The following TNFRSF10B variants were observed in gnomAD, a reference collection of about 807,000 sequenced individuals.
The protein encoded by TNFRSF10B is tumor necrosis factor receptor superfamily member 10B.
A neutral mutation model predicts 41.4 loss-of-function variants in TNFRSF10B; 35 were observed. That is an observed-to-expected ratio of 0.85 (90% confidence interval 0.65 to 1.12). The LOEUF (loss-of-function observed/expected upper bound fraction) is 1.12. TNFRSF10B is among the 50% of genes most tolerant of loss of function. TNFRSF10B has a pLI of 0.00. For missense variants in TNFRSF10B, 584 were observed against 552.7 expected (o/e 1.06, Z -0.57); for synonymous variants, 230 against 215.5 (o/e 1.07, Z -0.59).
chr8:23,022,409 C>G lies in TNFRSF10B; in HGVS notation c.*262G>C. On this transcript the variant is annotated 3_prime_UTR_variant, in exon 9 of 9. Transcript: ENST00000276431. ...CTGTGAAAACAATGACATCCCAAAC[C>G]AAATCTCAAAGTACGCACAAACGGA... 1.6e-6 allele frequency: 1 copy of G among 611,330 alleles called. No individual in the cohort carries two copies. The highest frequency in any genetic ancestry group is 3.0e-6 in the Non-Finnish European group (1 of 329,342). 37.9% of individuals were successfully genotyped at this position (611,330 alleles called of 1,614,324 possible).
At chr8:23,029,459 G>A in intron 4 of TNFRSF10B, 151 bp downstream of exon 4, 1 of 739,678 alleles carries the variant, frequency 1.4e-6, no homozygotes, top group African/African-American at 1.7e-5. Context: ...GCAGGGGGCA[G>A]GGGTGGTGAC....
At chr8:23,042,094 ATCCACAC>A (rs1452648708) in intron 2 of TNFRSF10B, among the ~76,000 whole-genome samples, 10 of 152,162 alleles carry the variant, frequency 6.6e-5, no homozygotes, top group African/African-American at 2.2e-4. Context: ...CACGTCATCC[ATCCACAC>A]CCCAAATATG....
intron 2 of TNFRSF10B, among the ~76,000 whole-genome samples, chr8:23,036,023 CCCACTCTAGGTCAA>C (rs1812021591): frequency 6.6e-6 from 1 of 152,162 alleles, no homozygotes; most frequent in Non-Finnish European, 1.5e-5. Flanking sequence ...CCTTTAGTAG[CCCACTCTAGGTCAA>C]CCACAGCACA....
Position 23,022,866 on chromosome 8 carries a change from C to T in TNFRSF10B, c.1128G>A (p.Ala376=), listed in dbSNP as rs747617406. The T allele has an allele frequency of 1.4e-5, 23 of 1,613,962 alleles. No homozygotes were observed. The highest frequency in any genetic ancestry group is 1.6e-4 in the Middle Eastern group (1 of 6,084). ...TCGTGTACAAGGTGTCCCTGTGGCC[C>T]GCTGCCTCAGCTTTAGCCACCTTTA... is the stretch of plus-strand genomic sequence containing the variant. ...NEIKVAKAEA[A]GHRDTLYTML... Residue 376 remains alanine, a synonymous_variant, in exon 9 of 9, where the codon GCG becomes GCA. Coordinates refer to ENST00000276431, the MANE Select transcript of TNFRSF10B (RefSeq NM_003842.5).
rs1212350149 is a variant in TNFRSF10B, at chr8:23,021,674, T to C, written c.*997A>G. The C allele has an allele frequency of 2.2e-6, 1 of 454,026 alleles. No individual in the cohort carries two copies. The allele number at this position is 454,026 out of a possible 1,614,324, so 28.1% of individuals were successfully genotyped here. ...GACTTCACGTGGATCCAGTTCTCTTTGGTCCCGACTCATATGTAAACAACT... is the reference window on the plus strand; with the variant it reads ...GACTTCACGTGGATCCAGTTCTCTTCGGTCCCGACTCATATGTAAACAACT... On this transcript the variant is annotated 3_prime_UTR_variant, in exon 9 of 9. Coordinates refer to ENST00000276431, the MANE Select transcript of TNFRSF10B (RefSeq NM_003842.5).
In TNFRSF10B at chr8:23,035,594, T is replaced by C. The variant is rs544517852; in HGVS notation, c.251-4722A>G. On this transcript the variant is annotated intron_variant, in intron 2 of 8. Transcript: ENST00000276431. ...CATTTGCATGTCAGGGGGTGGGAAA[T>C]AAATCTGACAAAATTTCAAGGGCCT... Among the ~76,000 whole-genome samples, 15 of 152,096 alleles carry C rather than the reference T, an allele frequency of 9.9e-5. No homozygotes were observed. The East Asian group carries it at 2.1e-3, about 21-fold the overall frequency.
At chr8:23,024,340 C>T (rs1345981057) in intron 7 of TNFRSF10B, 80 bp from the exon 8 acceptor site, 19 of 1,459,252 alleles carry the variant, frequency 1.3e-5, no homozygotes, top group Non-Finnish European at 1.6e-5. Context: ...CCAGCCAGCT[C>T]TGAGACCTGC....
intron 3 of TNFRSF10B, 104 bp downstream of exon 3, chr8:23,030,655 C>T (rs1227345608): frequency 2.4e-6 from 2 of 839,578 alleles, no homozygotes; most frequent in African/African-American, 1.7e-5. Context: ...ATGATGAAGA[C>T]CAAGGTGGAC....
chr8:23,059,748 G>A (rs1167626474), intron 1 of TNFRSF10B, among the ~76,000 whole-genome samples: 4 of 152,062 alleles, frequency 2.6e-5, no homozygotes, highest in East Asian at 3.9e-4. Context: ...TCCTGACCTC[G>A]TGATCCGCCT....
chr8:23,044,664 G>A (rs1416345031), intron 1 of TNFRSF10B, among the ~76,000 whole-genome samples: 1 of 151,938 alleles, frequency 6.6e-6, no homozygotes, highest in Non-Finnish European at 1.5e-5. Context: ...GGCAATAAAC[G>A]CCTACATCAA....
In TNFRSF10B at chr8:23,029,615, G is replaced by A. The variant is rs2128812151; in HGVS notation, c.471C>T (p.Arg157=). The A allele has an allele frequency of 1.2e-6, 2 of 1,609,680 alleles. No individual in the cohort carries two copies. Among genetic ancestry groups the A allele is most frequent in the Non-Finnish European group, 1.7e-6 (2 of 1,177,780 alleles). The change falls in exon 4 of 9, where the codon CGC becomes CGT. Residue 157 remains arginine (R), a synonymous_variant. Coordinates refer to ENST00000276431, the MANE Select transcript of TNFRSF10B (RefSeq NM_003842.5). ...EDSPEMCRKC[R]TGCPRGMVKV... ...GCCCCCGGCTCCTGTCTCACCCTGT[G>A]CGGCACTTCCGGCACATCTCAGGAG...
chr8:23,042,054 A>G (rs528374948), intron 2 of TNFRSF10B, among the ~76,000 whole-genome samples: 43 of 152,326 alleles, frequency 2.8e-4, no homozygotes, highest in African/African-American at 1.0e-3. Flanking sequence ...GAGCAGTTGA[A>G]TTTGGTGCCT....
At chr8:23,030,895 G>A (rs1433463935) in intron 2 of TNFRSF10B, 23 bp from the exon 3 acceptor site, 3 of 1,534,556 alleles carry the variant, frequency 2.0e-6, no homozygotes, top group South Asian at 2.3e-5. Context: ...AGAAAAGCCG[G>A]TGAATGAAAT....
In TNFRSF10B at chr8:23,021,091, A is replaced by C; in HGVS notation, c.*1580T>G. On this transcript the variant is annotated 3_prime_UTR_variant, in exon 9 of 9. Coordinates refer to ENST00000276431, the MANE Select transcript of TNFRSF10B (RefSeq NM_003842.5). The stretch of plus-strand genomic sequence containing the variant: ...ATGCCTTGAGACAGAAAAGACCAAA[A>C]ACTCCTGGAATGACTACCTGCATAA... The C allele has an allele frequency of 2.2e-6, 1 of 454,086 alleles. No individual in the cohort carries two copies. The highest frequency in any genetic ancestry group is 1.6e-5 in the South Asian group (1 of 64,470). 28.1% of individuals were successfully genotyped at this position (454,086 alleles called of 1,614,324 possible).
intron 1 of TNFRSF10B, among the ~76,000 whole-genome samples, chr8:23,059,307 A>G (rs1812756493): frequency 1.3e-5 from 2 of 152,194 alleles, no homozygotes; most frequent in East Asian, 1.9e-4. Flanking sequence ...GGGTGTACAA[A>G]TATCTGTTTG....
chr8:23,022,216 C>T lies in TNFRSF10B; in HGVS notation c.*455G>A, dbSNP rs909229045. Reference sequence around the variant, plus strand: ...TCAAGGCTATAGTGAGCCAAGATTGCACCATTGCACTCCAGCCTGGGAGAC... The same window carrying T: ...TCAAGGCTATAGTGAGCCAAGATTGTACCATTGCACTCCAGCCTGGGAGAC... On this transcript the variant is annotated 3_prime_UTR_variant, in exon 9 of 9. Coordinates refer to ENST00000276431, the MANE Select transcript of TNFRSF10B (RefSeq NM_003842.5). 3 of 452,632 alleles carry T rather than the reference C, an allele frequency of 6.6e-6. No individual in the cohort carries two copies. Among genetic ancestry groups the T allele is most frequent in the Admixed American group, 2.4e-5 (1 of 42,488 alleles). The allele number at this position is 452,632 out of a possible 1,614,324, so 28.0% of individuals were successfully genotyped here. A position where few individuals can be genotyped will look rare whatever the true frequency, so the allele number is the denominator to read the frequency against.
At chr8:23,029,379 T>C (rs1024588755) in intron 4 of TNFRSF10B, among the ~76,000 whole-genome samples, 11 of 152,204 alleles carry the variant, frequency 7.2e-5, no homozygotes, top group Non-Finnish European at 1.3e-4. Flanking sequence ...AGTCATGGCC[T>C]TCTGTGGTCA....
At chr8:23,039,718 T>C (rs1812115952) in intron 2 of TNFRSF10B, among the ~76,000 whole-genome samples, 1 of 152,124 alleles carries the variant, frequency 6.6e-6, no homozygotes, top group Non-Finnish European at 1.5e-5. Context: ...GTCCTTAAGA[T>C]CGACGTCAGT....
chr8:23,038,889 G>A (rs921357883), intron 2 of TNFRSF10B, among the ~76,000 whole-genome samples: 4 of 152,022 alleles, frequency 2.6e-5, no homozygotes, highest in African/African-American at 9.7e-5. Context: ...ACTGGAGTTG[G>A]GGGCATGGGG....
Sources: gnomAD v4.1 joint callset for allele counts (sites outside exome capture counted in the v4.1 genomes callset) on GRCh38, gnomAD v4.1.1 for gene constraint, MANE v1.5 for transcripts, NCBI Gene and HGNC (gene_info 2026-07-23, HGNC 2026-07-21) for gene names.